The following GDA variants were observed in gnomAD, a reference collection of about 807,000 sequenced individuals.
GDA encodes the protein cytoplasmic PSD-95 interactor.
A neutral mutation model predicts 59.6 loss-of-function variants in GDA; 18 were observed. The ratio of observed to expected loss-of-function variants is 0.30; its 90% CI spans 0.21 to 0.45. The LOEUF is 0.45. Ranked by LOEUF, GDA falls within the 20% of genes least tolerant of loss-of-function variation. GDA has a pLI of 1.00. For synonymous variants in GDA, 201 were observed against 201.1 expected, an observed-to-expected ratio of 1.00 and a Z score of 0.00; for missense variants, 427 against 552.3, an observed-to-expected ratio of 0.77 and a Z score of 2.27.
At chr9:72,210,402 A>G (rs1005614267) in intron 3 of GDA, among the ~76,000 whole-genome samples, 4 of 152,194 alleles carry the variant, frequency 2.6e-5, no homozygotes, top group Non-Finnish European at 1.5e-5. Flanking sequence ...GGATATCCTT[A>G]AACAATCCTA....
At chr9:72,240,110 T>A (rs1019507492) in intron 10 of GDA, among the ~76,000 whole-genome samples, 6 of 152,324 alleles carry the variant, frequency 3.9e-5, no homozygotes, top group Admixed American at 1.3e-4. Flanking sequence ...TTAAAGGTAG[T>A]ATTTCATTTG....
chr9:72,118,543 G>A (rs1469346013), intron 1 of GDA, among the ~76,000 whole-genome samples: 2 of 151,940 alleles, frequency 1.3e-5, no homozygotes, highest in Non-Finnish European at 2.9e-5. Context: ...TAATAGAAAA[G>A]AAAAATAAAG....
At chr9:72,259,489 A>G (rs112626213), downstream of GDA, among the ~76,000 whole-genome samples, 3,892 of 152,254 alleles carry the variant, frequency 0.026, 71 homozygotes, top group Non-Finnish European at 0.039. Context: ...GGCCCACAGG[A>G]TACTGGCAGC....
At chr9:72,123,832 C>T (rs1322746112) in intron 1 of GDA, among the ~76,000 whole-genome samples, 1 of 152,066 alleles carries the variant, frequency 6.6e-6, no homozygotes, top group Non-Finnish European at 1.5e-5. Context: ...TGAAATAGAA[C>T]TTGTGCAGTT....
intron 9 of GDA, chr9:72,228,288 A>C (rs951876993): frequency 2.3e-6 from 1 of 431,158 alleles, no homozygotes; most frequent in Non-Finnish European, 4.2e-6. Context: ...CAAAAAAAGG[A>C]CAATAGGGAA....
In GDA at chr9:72,149,563, TGTGCCGCTCAG is replaced by T; in HGVS notation, c.5_15del (p.Cys2TyrfsTer59). ...CGCGCTGCGCTCCGCCGCTGACATG[TGTGCCGCTCAG>T]ATGCCGCCCCTGGCGCACATCTTCC... On this transcript the variant is annotated frameshift_variant, in exon 1 of 14. Transcript: ENST00000358399. LOFTEE classifies it high-confidence loss of function. 1 of 1,610,948 alleles carries T rather than the reference TGTGCCGCTCAG, an allele frequency of 6.2e-7. No individual in the cohort carries two copies. Among genetic ancestry groups the T allele is most frequent in the Non-Finnish European group, 8.5e-7 (1 of 1,179,134 alleles).
chr9:72,159,383 G>A (rs1828330874), intron 1 of GDA, among the ~76,000 whole-genome samples: 1 of 151,854 alleles, frequency 6.6e-6, no homozygotes, highest in African/African-American at 2.4e-5. Context: ...GACAGAGTGA[G>A]ACTCCGTCTC....
At position 72,149,650 on chromosome 9, in the gene GDA, G is replaced by A. The variant is rs776141305; in HGVS notation, c.91G>A (p.Asp31Asn). The A allele has an allele frequency of 1.2e-6, 2 of 1,606,340 alleles. No homozygotes were observed. Among genetic ancestry groups the A allele is most frequent in the South Asian group, 1.1e-5 (1 of 90,636 alleles). The change falls in exon 1 of 14, where the codon GAT becomes AAT. Residue 31 changes from aspartate to asparagine, a missense_variant. Coordinates refer to ENST00000358399, the MANE Select transcript of GDA (RefSeq NM_004293.5). ...TWTCPMEVLRDHLLGVSDSGK... is the reference protein window; with the variant it reads ...TWTCPMEVLRNHLLGVSDSGK... ...GACCTGCCCCATGGAGGTGCTGCGG[G>A]ATCACCTCCTCGGCGTGAGCGACAG...
chr9:72,210,735 A>G lies in GDA; in HGVS notation c.433A>G (p.Ile145Val). 3 of 1,611,952 alleles carry G rather than the reference A, an allele frequency of 1.9e-6. No homozygotes were observed. Among genetic ancestry groups the G allele is most frequent in the Non-Finnish European group, 2.5e-6 (3 of 1,178,076 alleles). ...GTTTACYFAT[I>V]HTDSSLLLAD... is the part of the protein sequence containing the mutation. Reference sequence around the variant, plus strand: ...AACCACAGCTTGTTACTTTGCAACAATTCACACTGACTCATCTCTGCTCCT... The same window carrying G: ...AACCACAGCTTGTTACTTTGCAACAGTTCACACTGACTCATCTCTGCTCCT... The change falls in exon 4 of 14, where the codon ATT (isoleucine) becomes GTT (valine). Residue 145 changes from isoleucine to valine, a missense_variant. Physicochemically the swap from Ile to Val is conservative, Grantham distance 29. Coordinates refer to ENST00000358399, the MANE Select transcript of GDA (RefSeq NM_004293.5).
chr9:72,125,297 T>G (rs1825805413), intron 1 of GDA, among the ~76,000 whole-genome samples: 1 of 151,854 alleles, frequency 6.6e-6, no homozygotes, highest in Non-Finnish European at 1.5e-5. Flanking sequence ...ATTCCTTCCT[T>G]TCTTCCTTCC....
At chr9:72,155,799 C>T (rs1158129986) in intron 1 of GDA, among the ~76,000 whole-genome samples, 1 of 152,128 alleles carries the variant, frequency 6.6e-6, no homozygotes, top group Non-Finnish European at 1.5e-5. Context: ...GTGTAGTTAT[C>T]AACTGAGATA....
At chr9:72,130,159 G>A (rs7861104) in intron 1 of GDA, among the ~76,000 whole-genome samples, 2,259 of 152,228 alleles carry the variant, frequency 0.015, 65 homozygotes, top group African/African-American at 0.052. Flanking sequence ...CACATTAGGA[G>A]GTCATCACCT....
At chr9:72,238,085 A>G (rs1174801922) in intron 10 of GDA, among the ~76,000 whole-genome samples, 1 of 152,150 alleles carries the variant, frequency 6.6e-6, no homozygotes, top group African/African-American at 2.4e-5. Context: ...CAAGGCCCAC[A>G]AAGCTCTGCA....
chr9:72,225,445 C>CCA lies in GDA; in HGVS notation c.715-220_715-219dup, dbSNP rs142913831. Among the ~76,000 whole-genome samples the CCA allele has an allele frequency of 9.3e-3, 1,404 of 151,552 alleles. 17 individuals are homozygous for CCA. Among genetic ancestry groups the CCA allele is most frequent in the African/African-American group, 0.032 (1,346 of 41,418 alleles). On this transcript the variant is annotated intron_variant, in intron 7 of 13. Transcript: ENST00000358399. ...TACACATACACACCCACACCCACATCCACACACACACACTACATGTTCATA... is the reference window on the plus strand; with the variant it reads ...TACACATACACACCCACACCCACATCCACACACACACACACTACATGTTCATA...
chr9:72,185,431 C>T (rs775952115), intron 1 of GDA, among the ~76,000 whole-genome samples: 3 of 152,164 alleles, frequency 2.0e-5, no homozygotes, highest in Non-Finnish European at 4.4e-5. Context: ...ATTATTCGCC[C>T]CATTGTACTA....
At chr9:72,231,362 G>C (rs1432666236) in intron 10 of GDA, among the ~76,000 whole-genome samples, 181 bp downstream of exon 10, 1 of 151,916 alleles carries the variant, frequency 6.6e-6, no homozygotes, top group African/African-American at 2.4e-5. Flanking sequence ...GGATCATGAG[G>C]TCAGGAGTTC....
chr9:72,203,870 G>A (rs946404352), intron 3 of GDA, among the ~76,000 whole-genome samples: 1 of 151,648 alleles, frequency 6.6e-6, no homozygotes, highest in South Asian at 2.1e-4. Context: ...AAGCTGGAGT[G>A]CAGTGGCATG....
At chr9:72,200,521 G>A (rs577233602) in intron 2 of GDA, among the ~76,000 whole-genome samples, 4 of 149,658 alleles carry the variant, frequency 2.7e-5, no homozygotes, top group African/African-American at 9.8e-5. Context: ...AGATTATAAA[G>A]TCTTTGACGA....
At chr9:72,214,694 A>G in intron 5 of GDA, 1 of 315,806 alleles carries the variant, frequency 3.2e-6, no homozygotes, top group East Asian at 1.3e-4. Context: ...ATTCAAAACC[A>G]GGGTCTATGA....
Sources: allele counts gnomAD v4.1 joint callset (sites outside exome capture counted in the v4.1 genomes callset), GRCh38; gene constraint gnomAD v4.1.1; transcripts MANE v1.5; gene names NCBI Gene and HGNC (gene_info 2026-07-23, HGNC 2026-07-21).